Variants in WDR33 observed in about 807,000 individuals in gnomAD.
WDR33 encodes pre-mRNA 3' end processing protein WDR33.
WDR33 carries 47 observed loss-of-function variants against 164.9 expected under a neutral mutation model. The observed-to-expected ratio is 0.29, with a 90% CI of 0.23 to 0.36. WDR33 has a LOEUF of 0.36. Among genes scored for constraint, WDR33 ranks in the 10% least tolerant of loss-of-function variants. WDR33 has a pLI of 1.00. For missense variants in WDR33, 1,137 were observed against 1,754.1 expected (o/e 0.65, Z 6.28); for synonymous variants, 505 against 589.0 (o/e 0.86, Z 2.06).
At position 127,713,951 on chromosome 2, in the gene WDR33, C is replaced by A; in HGVS notation, c.2940G>T (p.Gly980=). 1.3e-6 allele frequency: 2 copies of A among 1,588,506 alleles called. No individual in the cohort carries two copies. The highest frequency in any genetic ancestry group is 1.7e-5 in the Admixed American group (1 of 57,260). ...MSERRHEQSG[G]PEHGPERGPF... ...GCCCCCTCTCGGGCCCATGCTCAGG[C>A]CCGCCGCTCTGCTCATGCCGCCTCT... The change falls in exon 18 of 22, where the codon GGG becomes GGT. Residue 980 remains glycine (G), a synonymous_variant. Transcript: ENST00000322313. This position sits in a 1 kb window ranked among gnomAD's most constrained non-coding sequence, Gnocchi z 6.2.
intron 3 of WDR33, 22 bp from the exon 4 acceptor site, chr2:127,768,315 T>C: frequency 6.9e-7 from 1 of 1,441,116 alleles, no homozygotes; most frequent in Non-Finnish European, 9.4e-7. Flanking sequence ...GAAAATTGGG[T>C]TCTTAGAGCT....
chr2:127,795,359 A>C (rs1250507957), intron 1 of WDR33, among the ~76,000 whole-genome samples: 1 of 151,858 alleles, frequency 6.6e-6, no homozygotes, highest in Non-Finnish European at 1.5e-5. Context: ...TCAGCCTCCC[A>C]AAGTGTTGGG....
At chr2:127,760,770 GT>G (rs550602151) in intron 7 of WDR33, among the ~76,000 whole-genome samples, 30 of 152,202 alleles carry the variant, frequency 2.0e-4, no homozygotes, top group African/African-American at 6.5e-4. Context: ...TGTAAAGTAA[GT>G]AGAATTTTTT....
At chr2:127,807,179 TG>T (rs1689468171) in intron 1 of WDR33, among the ~76,000 whole-genome samples, 1 of 152,152 alleles carries the variant, frequency 6.6e-6, no homozygotes, top group African/African-American at 2.4e-5. Context: ...TAATTTTTTT[TG>T]TATTTAGTAG....
chr2:127,711,790 T>TTTTTTTTTA (rs70985474), intron 18 of WDR33, among the ~76,000 whole-genome samples: 1 of 109,612 alleles, frequency 9.1e-6, no homozygotes. Flanking sequence ...ATTTTTTTTT[T>TTTTTTTTTA]GAGACAGAGT....
rs1205829320 is a variant in WDR33 at position 127,703,063 on chromosome 2, G to A, written c.*3260C>T. The A allele has an allele frequency of 9.0e-5, 15 of 166,952 alleles. No individual in the cohort carries two copies. The Admixed American group carries it at 9.2e-4, about 10-fold the overall frequency. The allele number at this position is 166,952 out of a possible 1,614,324, so 10.3% of individuals were successfully genotyped here. A position where few individuals can be genotyped will look rare whatever the true frequency, so the allele number is the denominator to read the frequency against. On this transcript the variant is annotated 3_prime_UTR_variant, in exon 22 of 22. Transcript: ENST00000322313. Reference sequence around the variant, plus strand: ...TCTAATTGCTGCTGCCTTCATTTTAGGTTCAGCAGTTACTTTTAACTACCT... The same window carrying A: ...TCTAATTGCTGCTGCCTTCATTTTAAGTTCAGCAGTTACTTTTAACTACCT...
chr2:127,774,048 C>CTTTT lies in WDR33; in HGVS notation c.-23-3048_-23-3045dup, dbSNP rs776082351. 5.0e-3 allele frequency among the ~76,000 whole-genome samples: 559 copies of CTTTT among 110,776 alleles called. 10 individuals are homozygous for CTTTT. The highest frequency in any genetic ancestry group is 0.019 in the African/African-American group (537 of 27,580). The allele number at this position is 110,776 out of a possible 152,430, so 72.7% of individuals were successfully genotyped here. On this transcript the variant is annotated intron_variant, in intron 1 of 21. Coordinates refer to ENST00000322313, the MANE Select transcript of WDR33 (RefSeq NM_018383.5). ...GAGCCACCACGCCCAGCCCAAAAGCCTTTTTTTTTTTTTTTTTTTTTAAGA... is the reference window on the plus strand; with the variant it reads ...GAGCCACCACGCCCAGCCCAAAAGCCTTTTTTTTTTTTTTTTTTTTTTTTTAAGA...
chr2:127,800,757 G>A (rs1054312656), intron 1 of WDR33, among the ~76,000 whole-genome samples: 2 of 151,908 alleles, frequency 1.3e-5, no homozygotes, highest in African/African-American at 4.8e-5. Flanking sequence ...AACTGTACTT[G>A]GCCCTGAGTT....
In WDR33 at chr2:127,718,508, C is replaced by T. The variant is rs923921172; in HGVS notation, c.2760+757G>A. Among the ~76,000 whole-genome samples, 1 of 152,176 alleles carries T rather than the reference C, an allele frequency of 6.6e-6. No individual in the cohort carries two copies. The highest frequency in any genetic ancestry group is 2.4e-5 in the African/African-American group (1 of 41,440). On this transcript the variant is annotated intron_variant, in intron 16 of 21. Coordinates refer to ENST00000322313, the MANE Select transcript of WDR33 (RefSeq NM_018383.5). This position sits in a 1 kb window ranked among gnomAD's most constrained non-coding sequence, Gnocchi z 4.4. Reference sequence around the variant, plus strand: ...TCTTTTCGTAATTCACTCCCCCAAGCAACCTGAACTTTCCTCACACCATCT... The same window carrying T: ...TCTTTTCGTAATTCACTCCCCCAAGTAACCTGAACTTTCCTCACACCATCT...
intron 1 of WDR33, among the ~76,000 whole-genome samples, chr2:127,776,431 G>T (rs1573444005): frequency 1.3e-5 from 2 of 152,344 alleles, no homozygotes; most frequent in East Asian, 3.9e-4. Context: ...CTTCAACAGA[G>T]GTTGACAGAA....
At chr2:127,788,689 A>C in intron 1 of WDR33, among the ~76,000 whole-genome samples, 1 of 131,796 alleles carries the variant, frequency 7.6e-6, no homozygotes, top group South Asian at 2.7e-4. Context: ...ACGGCTGGCC[A>C]GGTGGGGGGC....
Position 127,714,065 on chromosome 2 carries a change from C to T in WDR33, c.2870-44G>A, listed in dbSNP as rs1252920304. The T allele has an allele frequency of 6.7e-6, 10 of 1,481,808 alleles. No homozygotes were observed. The highest frequency in any genetic ancestry group is 8.9e-6 in the Non-Finnish European group (10 of 1,120,414). The allele number at this position is 1,481,808 out of a possible 1,614,324, so 91.8% of individuals were successfully genotyped here. A position where few individuals can be genotyped will look rare whatever the true frequency, so the allele number is the denominator to read the frequency against. The stretch of plus-strand genomic sequence containing the variant: ...ACTTTTACCATGTCTTCCAGGAAAC[C>T]TGCCAACATAGGTCTGATCTGTAGC... On this transcript the variant is annotated intron_variant, in intron 17 of 21. Transcript: ENST00000322313. The surrounding 1 kb of genome is among the most constrained non-coding windows in gnomAD (Gnocchi z 4.3).
At position 127,763,335 on chromosome 2, in the gene WDR33, G is replaced by A. The variant is rs1687732973; in HGVS notation, c.627-176C>T. On this transcript the variant is annotated intron_variant, in intron 6 of 21. Coordinates refer to ENST00000322313, the MANE Select transcript of WDR33 (RefSeq NM_018383.5). The surrounding 1 kb of genome is among the most constrained non-coding windows in gnomAD (Gnocchi z 4.5). ...AGCTAACATAGGCATCTCATCAAAA[G>A]AAGACTTCAACAGAGCAGTTGTTTG... 7.0e-7 allele frequency: 1 copy of A among 1,427,410 alleles called. No homozygotes were observed. Among genetic ancestry groups the A allele is most frequent in the Non-Finnish European group, 9.2e-7 (1 of 1,092,776 alleles). The allele number at this position is 1,427,410 out of a possible 1,614,324, so 88.4% of individuals were successfully genotyped here. A position where few individuals can be genotyped will look rare whatever the true frequency, so the allele number is the denominator to read the frequency against.
chr2:127,739,340 AT>A (rs1356263416), intron 7 of WDR33, among the ~76,000 whole-genome samples: 1 of 151,782 alleles, frequency 6.6e-6, no homozygotes, highest in Non-Finnish European at 1.5e-5. Flanking sequence ...GTCGACTATG[AT>A]TTCCCCCCCG....
intron 1 of WDR33, among the ~76,000 whole-genome samples, chr2:127,808,943 T>C (rs1053055292): frequency 6.9e-6 from 1 of 145,366 alleles, no homozygotes; most frequent in Non-Finnish European, 1.5e-5. Flanking sequence ...GGCAGGAGAA[T>C]GGCGTGAACC....
intron 1 of WDR33, among the ~76,000 whole-genome samples, chr2:127,793,852 C>T (rs914735756): frequency 3.0e-4 from 46 of 150,962 alleles, no homozygotes; most frequent in Non-Finnish European, 4.3e-4. Flanking sequence ...CTATATTGTT[C>T]GGGCAGGCAC....
Position 127,720,402 on chromosome 2 carries a change from C to G in WDR33, c.1672-49G>C. 1 of 1,483,380 alleles carries G rather than the reference C, an allele frequency of 6.7e-7. No homozygotes were observed. The highest frequency in any genetic ancestry group is 1.4e-5 in the African/African-American group (1 of 71,270). 91.9% of individuals were successfully genotyped at this position (1,483,380 alleles called of 1,614,324 possible). ...CATGTTGAATAAACAGGCCAGAGCC[C>G]TTGAAGATGACAATATTGCTATCAT... On this transcript the variant is annotated intron_variant, in intron 15 of 21. Transcript: ENST00000322313. This position sits in a 1 kb window ranked among gnomAD's most constrained non-coding sequence, Gnocchi z 5.9.
intron 7 of WDR33, among the ~76,000 whole-genome samples, chr2:127,757,747 C>A (rs998571984): frequency 3.3e-5 from 5 of 151,948 alleles, no homozygotes; most frequent in Non-Finnish European, 7.4e-5. Context: ...CATGGTTTAC[C>A]AATTTTACTT....
chr2:127,763,226 A>G lies in WDR33; in HGVS notation c.627-67T>C. On this transcript the variant is annotated intron_variant, in intron 6 of 21. Coordinates refer to ENST00000322313, the MANE Select transcript of WDR33 (RefSeq NM_018383.5). This position sits in a 1 kb window ranked among gnomAD's most constrained non-coding sequence, Gnocchi z 4.5. ...TTAACAGATAATCTGTGCTTCTCAG[A>G]CAGGGAAAAATAAAAACACTGTGCT... The G allele has an allele frequency of 6.2e-7, 1 of 1,610,432 alleles. No homozygotes were observed. Among genetic ancestry groups the G allele is most frequent in the East Asian group, 2.2e-5 (1 of 44,776 alleles).
Sources: gnomAD v4.1 joint callset for allele counts (sites outside exome capture counted in the v4.1 genomes callset) on GRCh38, gnomAD v4.1.1 for gene constraint, Gnocchi (gnomAD v3.1) non-coding constraint, MANE v1.5 for transcripts, NCBI Gene and HGNC (gene_info 2026-07-23, HGNC 2026-07-21) for gene names.